The following CHSY3 variants were observed in gnomAD, a reference collection of about 807,000 sequenced individuals.
CHSY3 encodes chondroitin sulfate synthase 3.
A neutral mutation model predicts 67.2 loss-of-function variants in CHSY3; 35 were observed. The ratio of observed to expected loss-of-function variants is 0.52; its 90% confidence interval spans 0.40 to 0.69. CHSY3 has a LOEUF of 0.69. Ranked by LOEUF, CHSY3 falls within the 30% of genes least tolerant of loss-of-function variation. The pLI is 0.00. For missense variants in CHSY3, 1,069 were observed against 1,138.5 expected (o/e 0.94, Z 0.88); for synonymous variants, 474 against 434.7 (o/e 1.09, Z -1.12).
chr5:129,953,107 T>G (rs1168548676), intron 2 of CHSY3, among the ~76,000 whole-genome samples: 1 of 152,142 alleles, frequency 6.6e-6, no homozygotes, highest in Non-Finnish European at 1.5e-5. Context: ...AGTAGGTATT[T>G]CTCCTAATGC....
chr5:130,118,070 A>G (rs73244863), intron 2 of CHSY3, among the ~76,000 whole-genome samples: 5 of 152,044 alleles, frequency 3.3e-5, no homozygotes, highest in Non-Finnish European at 5.9e-5. Flanking sequence ...TTTTCAGGTG[A>G]CATGCCTGCT....
At chr5:130,140,615 C>T in intron 2 of CHSY3, 1 of 424,198 alleles carries the variant, frequency 2.4e-6, no homozygotes, top group Non-Finnish European at 4.2e-6. Flanking sequence ...GATCTTTGAC[C>T]TGGGAGATGG....
chr5:129,925,566 T>A (rs533323923), intron 2 of CHSY3, among the ~76,000 whole-genome samples: 2 of 152,258 alleles, frequency 1.3e-5, no homozygotes, highest in African/African-American at 4.8e-5. Context: ...TCATCATATT[T>A]TTGTGGTGAG....
rs545120408 is a variant in CHSY3, at chr5:130,016,860, C to T, written c.1086+108500C>T. Among the ~76,000 whole-genome samples, 3 of 152,192 alleles carry T rather than the reference C, an allele frequency of 2.0e-5. No homozygotes were observed. The South Asian group carries it at 6.2e-4, about 32-fold the overall frequency. ...TGGATTTTGTTTAGTGGCAATGGACCCCACCACTTTAAAGCCTTTTGAGAT... is the reference window on the plus strand; with the variant it reads ...TGGATTTTGTTTAGTGGCAATGGACTCCACCACTTTAAAGCCTTTTGAGAT... On this transcript the variant is annotated intron_variant, in intron 2 of 2. Transcript: ENST00000305031.
At chr5:130,175,433 A>T (rs917344375) in intron 2 of CHSY3, among the ~76,000 whole-genome samples, 11 of 152,348 alleles carry the variant, frequency 7.2e-5, no homozygotes, top group Non-Finnish European at 4.4e-5. Flanking sequence ...CATACTGCCC[A>T]AAGTAATTTA....
At chr5:130,157,931 G>T (rs984700776) in intron 2 of CHSY3, among the ~76,000 whole-genome samples, 9 of 152,060 alleles carry the variant, frequency 5.9e-5, no homozygotes, top group African/African-American at 1.9e-4. Context: ...TGTTGCCACG[G>T]CATCTATAAA....
chr5:129,969,901 T>G (rs965723289), intron 2 of CHSY3, among the ~76,000 whole-genome samples: 1 of 151,880 alleles, frequency 6.6e-6, no homozygotes, highest in African/African-American at 2.4e-5. Context: ...AAAATACTAG[T>G]GAAGCATTAT....
At chr5:130,164,946 C>A (rs918060532) in intron 2 of CHSY3, among the ~76,000 whole-genome samples, 2 of 151,788 alleles carry the variant, frequency 1.3e-5, no homozygotes, top group African/African-American at 4.8e-5. Flanking sequence ...TGGGAGAACA[C>A]CCTAAGTAGA....
At chr5:129,964,333 G>A (rs2149609589) in intron 2 of CHSY3, among the ~76,000 whole-genome samples, 1 of 151,988 alleles carries the variant, frequency 6.6e-6, no homozygotes, top group South Asian at 2.1e-4. Context: ...CACTCCTACT[G>A]CCCTAGCATC....
chr5:130,116,123 T>C lies in CHSY3; in HGVS notation c.1087-68106T>C, dbSNP rs138818187. Among the ~76,000 whole-genome samples the C allele has an allele frequency of 4.6e-5, 7 of 152,336 alleles. No individual in the cohort carries two copies. The East Asian group carries it at 1.4e-3, about 29-fold the overall frequency. On this transcript the variant is annotated intron_variant, in intron 2 of 2. Transcript: ENST00000305031. ...AATTTCTTCACTTGCCTCCCAGAATTATTTCTGAAAAATCCTTTCTGGGAA... is the reference window on the plus strand; with the variant it reads ...AATTTCTTCACTTGCCTCCCAGAATCATTTCTGAAAAATCCTTTCTGGGAA...
At chr5:130,068,054 T>C (rs894743880) in intron 2 of CHSY3, among the ~76,000 whole-genome samples, 5 of 152,266 alleles carry the variant, frequency 3.3e-5, no homozygotes, top group Admixed American at 3.3e-4. Flanking sequence ...AACTATCTAA[T>C]GTTTAAGTTG....
At chr5:129,993,231 C>T (rs1388411674) in intron 2 of CHSY3, among the ~76,000 whole-genome samples, 1 of 152,102 alleles carries the variant, frequency 6.6e-6, no homozygotes, top group African/African-American at 2.4e-5. Flanking sequence ...CCAAAAACTA[C>T]ACTGTTATTC....
At chr5:130,091,679 C>A (rs758118265) in intron 2 of CHSY3, among the ~76,000 whole-genome samples, 8 of 152,126 alleles carry the variant, frequency 5.3e-5, no homozygotes, top group Non-Finnish European at 1.2e-4. Flanking sequence ...TATAACAGTA[C>A]CTGAAACAGC....
At chr5:130,066,701 T>G (rs141997387) in intron 2 of CHSY3, among the ~76,000 whole-genome samples, 2 of 152,258 alleles carry the variant, frequency 1.3e-5, no homozygotes, top group Non-Finnish European at 2.9e-5. Context: ...GACTTCATTA[T>G]GTAATGTAAC....
At chr5:130,040,401 T>C (rs1330368113) in intron 2 of CHSY3, among the ~76,000 whole-genome samples, 2 of 152,116 alleles carry the variant, frequency 1.3e-5, no homozygotes, top group African/African-American at 4.8e-5. Flanking sequence ...AGGTGTCCAT[T>C]CTAAAGTTTG....
At chr5:129,927,025 AAAAC>A (rs1761138418) in intron 2 of CHSY3, among the ~76,000 whole-genome samples, 1 of 151,994 alleles carries the variant, frequency 6.6e-6, no homozygotes, top group Non-Finnish European at 1.5e-5. Context: ...TATTAATAAT[AAAAC>A]AAACTTACTT....
chr5:130,153,685 G>A (rs1580785249), intron 2 of CHSY3, among the ~76,000 whole-genome samples: 1 of 152,138 alleles, frequency 6.6e-6, no homozygotes, highest in South Asian at 2.1e-4. Context: ...TCATCGTGGA[G>A]CCCCCATTGT....
At chr5:130,155,616 C>T (rs1201035194) in intron 2 of CHSY3, among the ~76,000 whole-genome samples, 2 of 152,170 alleles carry the variant, frequency 1.3e-5, no homozygotes, top group Non-Finnish European at 2.9e-5. Flanking sequence ...AAATGCAAAT[C>T]CTGCCACAGG....
At chr5:130,079,786 T>A (rs1766387312) in intron 2 of CHSY3, among the ~76,000 whole-genome samples, 1 of 152,108 alleles carries the variant, frequency 6.6e-6, no homozygotes, top group African/African-American at 2.4e-5. Context: ...AAGTTTTATA[T>A]GTGCAGCAAT....
Sources: gnomAD v4.1 joint callset for allele counts (sites outside exome capture counted in the v4.1 genomes callset) on GRCh38, gnomAD v4.1.1 for gene constraint, MANE v1.5 for transcripts, NCBI Gene and HGNC (gene_info 2026-07-23, HGNC 2026-07-21) for gene names.